The following ZFYVE28 variants were observed in gnomAD, a reference collection of about 807,000 sequenced individuals.
The protein encoded by ZFYVE28 is zinc finger FYVE-type containing 28.
In ZFYVE28, 40 loss-of-function variants were observed where a neutral mutation model predicts 82.1. The ratio of observed to expected loss-of-function variants is 0.49; its 90% CI spans 0.38 to 0.63. The LOEUF is 0.63. Ranked by LOEUF, ZFYVE28 falls within the 30% of genes least tolerant of loss-of-function variation. ZFYVE28 has a pLI of 0.00. For synonymous variants in ZFYVE28, 612 were observed against 546.1 expected, an observed-to-expected ratio of 1.12 and a Z score of -1.68; for missense variants, 1,321 against 1,242.1, an observed-to-expected ratio of 1.06 and a Z score of -0.96.
rs1256925992 is a variant in ZFYVE28 at position 2,301,121 on chromosome 4, A to AC, written c.2051+3167dup. ...GTCTCCTGTGTCTGTCTGTTTAAAA[A>AC]CCCCCACTGCGCTATCACCCCCGTA... On this transcript the variant is annotated intron_variant, in intron 8 of 12. Coordinates refer to ENST00000290974, the MANE Select transcript of ZFYVE28 (RefSeq NM_020972.3). Among the ~76,000 whole-genome samples, 5 of 145,532 alleles carry AC rather than the reference A, an allele frequency of 3.4e-5. No homozygotes were observed. The South Asian group carries it at 6.7e-4, about 19-fold the overall frequency.
At chr4:2,412,412 A>G (rs893135368) in intron 1 of ZFYVE28, among the ~76,000 whole-genome samples, 2 of 152,060 alleles carry the variant, frequency 1.3e-5, no homozygotes, top group African/African-American at 4.8e-5. Context: ...GACAGAGATG[A>G]TCTCCTCACA....
At position 2,304,183 on chromosome 4, in the gene ZFYVE28, C is replaced by A. The variant is rs547627170; in HGVS notation, c.2051+106G>T. ...GCCAGGGCCCAGCACCTGCCGGTGG[C>A]CAAGATGGCTCAGGTAGAAACACTG... is the stretch of plus-strand genomic sequence containing the variant. On this transcript the variant is annotated intron_variant, in intron 8 of 12. Transcript: ENST00000290974. 4.9e-6 allele frequency: 7 copies of A among 1,427,404 alleles called. No homozygotes were observed. In the Admixed American group the frequency reaches 1.6e-4, roughly 33 times the overall value. The allele number at this position is 1,427,404 out of a possible 1,614,324, so 88.4% of individuals were successfully genotyped here.
chr4:2,350,236 A>G (rs929334863), intron 2 of ZFYVE28, among the ~76,000 whole-genome samples: 5 of 152,160 alleles, frequency 3.3e-5, no homozygotes, highest in Non-Finnish European at 7.3e-5. Flanking sequence ...AGGCCGAGGC[A>G]GGTGGATCAC....
At chr4:2,373,338 A>T (rs944488952) in intron 1 of ZFYVE28, among the ~76,000 whole-genome samples, 3 of 152,090 alleles carry the variant, frequency 2.0e-5, no homozygotes, top group Non-Finnish European at 2.9e-5. Flanking sequence ...ATCTCTACAA[A>T]AAATTTAAAA....
In ZFYVE28 at chr4:2,304,399, A is replaced by G. The variant is rs369075372; in HGVS notation, c.1941T>C (p.Ser647=). The change falls in exon 8 of 13, where the codon AGT becomes AGC. Residue 647 remains serine, a synonymous_variant. Transcript: ENST00000290974. ...CAACCCCAGCCTCTCCTTGCAGCCC[A>G]CTCGCTGTGTCCACCTGGGAACCTG... ...HTSGSQVDTA[S]GLQGEAGVAG... is the part of the protein sequence containing the mutation. 2.9e-5 allele frequency: 47 copies of G among 1,612,912 alleles called. No homozygotes were observed. The African/African-American group carries it at 6.1e-4, about 21-fold the overall frequency.
At chr4:2,273,043 G>C in intron 10 of ZFYVE28, 130 bp downstream of exon 10, 1 of 740,410 alleles carries the variant, frequency 1.4e-6, no homozygotes, top group Non-Finnish European at 2.2e-6. Flanking sequence ...GGATCCTGGG[G>C]TCGACGATTG....
intron 8 of ZFYVE28, among the ~76,000 whole-genome samples, chr4:2,293,236 C>T (rs191847443): frequency 6.6e-6 from 1 of 152,110 alleles, no homozygotes; most frequent in Non-Finnish European, 1.5e-5. Context: ...GGGAATAAGG[C>T]AGAATCATCC....
At chr4:2,334,117 G>C (rs536249519) in intron 6 of ZFYVE28, among the ~76,000 whole-genome samples, 50 of 152,298 alleles carry the variant, frequency 3.3e-4, no homozygotes, top group African/African-American at 1.1e-3. Context: ...CGCGATGTGA[G>C]GCTCACTCTC....
At chr4:2,322,403 C>T (rs1719221611) in intron 6 of ZFYVE28, among the ~76,000 whole-genome samples, 1 of 151,792 alleles carries the variant, frequency 6.6e-6, no homozygotes, top group East Asian at 1.9e-4. Context: ...TCCATGCTGC[C>T]ATGAGCAGGG....
chr4:2,354,454 T>C (rs898105422), intron 1 of ZFYVE28, among the ~76,000 whole-genome samples: 1 of 84,022 alleles, frequency 1.2e-5, no homozygotes, highest in Non-Finnish European at 2.1e-5. Context: ...TCTCAGGAAA[T>C]TTTTTTTTTT....
At chr4:2,302,091 G>C (rs1715642144) in intron 8 of ZFYVE28, among the ~76,000 whole-genome samples, 1 of 152,248 alleles carries the variant, frequency 6.6e-6, no homozygotes. Flanking sequence ...AGGAGAGCGA[G>C]GTGGGGGCGA....
At chr4:2,276,146 CG>C (rs973730883) in intron 8 of ZFYVE28, among the ~76,000 whole-genome samples, 1 of 152,136 alleles carries the variant, frequency 6.6e-6, no homozygotes, top group East Asian at 1.9e-4. Flanking sequence ...TGCGGCAGAG[CG>C]GGGGAGGAGG....
At chr4:2,374,384 G>A (rs543684236) in intron 1 of ZFYVE28, among the ~76,000 whole-genome samples, 1 of 152,336 alleles carries the variant, frequency 6.6e-6, no homozygotes, top group Non-Finnish European at 1.5e-5. Context: ...GGCCAAGGCG[G>A]GAGGATTGTT....
intron 10 of ZFYVE28, among the ~76,000 whole-genome samples, 154 bp downstream of exon 10, chr4:2,273,019 G>C (rs1285160333): frequency 6.6e-6 from 1 of 152,232 alleles, no homozygotes; most frequent in Non-Finnish European, 1.5e-5. Flanking sequence ...CACATTTGGA[G>C]TGCAGAGGTC....
chr4:2,327,499 A>G (rs1359447443), intron 6 of ZFYVE28, among the ~76,000 whole-genome samples: 1 of 151,712 alleles, frequency 6.6e-6, no homozygotes, highest in African/African-American at 2.4e-5. Flanking sequence ...ACCATTGAGT[A>G]TAACGTTAGC....
chr4:2,398,559 AGCACAAGGTGTGGCGAGATCCAGG>A (rs1331750523), intron 1 of ZFYVE28, among the ~76,000 whole-genome samples: 1 of 152,126 alleles, frequency 6.6e-6, no homozygotes, highest in Middle Eastern at 3.2e-3. Context: ...GGTGAGATCC[AGCACAAGGTGTGGCGAGATCCAGG>A]GCACAAGGTG....
At chr4:2,393,980 T>C (rs962259311) in intron 1 of ZFYVE28, among the ~76,000 whole-genome samples, 1 of 152,230 alleles carries the variant, frequency 6.6e-6, no homozygotes, top group African/African-American at 2.4e-5. Context: ...CAGGACCGCG[T>C]GCCTTCTGGA....
At chr4:2,280,898 T>C (rs1711871608) in intron 8 of ZFYVE28, among the ~76,000 whole-genome samples, 1 of 152,120 alleles carries the variant, frequency 6.6e-6, no homozygotes, top group South Asian at 2.1e-4. Context: ...CCCCTGGAGA[T>C]GAGAAATCAG....
intron 12 of ZFYVE28, 38 bp from the exon 13 acceptor site, chr4:2,270,894 C>T (rs1295946304): frequency 6.2e-7 from 1 of 1,601,330 alleles, no homozygotes; most frequent in Non-Finnish European, 8.5e-7. Flanking sequence ...CTGCGGCAGA[C>T]CAGCCCCACC....
Sources: allele counts gnomAD v4.1 joint callset (sites outside exome capture counted in the v4.1 genomes callset), GRCh38; gene constraint gnomAD v4.1.1; transcripts MANE v1.5; gene names NCBI Gene and HGNC (gene_info 2026-07-23, HGNC 2026-07-21).